ANK1: variants seen among roughly 807,000 people sequenced by gnomAD.
The protein encoded by ANK1 is ankyrin 1, also known as ankyrin-1.
ANK1 carries 51 observed loss-of-function variants against 210.4 expected under a neutral mutation model. That is an observed-to-expected ratio of 0.24 (90% CI 0.19 to 0.31). The LOEUF is 0.31. Ranked by LOEUF, ANK1 falls within the 10% of genes least tolerant of loss-of-function variation. The probability of loss-of-function intolerance (pLI) is 1.00; values close to 1 mark genes in which losing one functional copy is unlikely to be tolerated. For missense variants in ANK1, 2,051 were observed against 2,504.4 expected, an observed-to-expected ratio of 0.82 and a Z score of 3.86; for synonymous variants, 967 against 1,025.9, an observed-to-expected ratio of 0.94 and a Z score of 1.10.
intron 1 of ANK1, among the ~76,000 whole-genome samples, chr8:41,805,795 A>T (rs1850881454): frequency 6.6e-6 from 1 of 152,222 alleles, no homozygotes; most frequent in Non-Finnish European, 1.5e-5. Context: ...TAAGAAAAAA[A>T]CAGATACGTT....
chr8:41,706,126 C>G lies in ANK1; in HGVS notation c.2097+17G>C. Reference sequence around the variant, plus strand: ...CAAGGAGTCCACACAGACTGAAGTTCCGGCTGCCTGCCTTACCCGGGTGGT... The same window carrying G: ...CAAGGAGTCCACACAGACTGAAGTTGCGGCTGCCTGCCTTACCCGGGTGGT... On this transcript the variant is annotated intron_variant, in intron 18 of 42. Coordinates refer to ENST00000289734, the MANE Select transcript of ANK1 (RefSeq NM_000037.4). 1 of 1,612,648 alleles carries G rather than the reference C, an allele frequency of 6.2e-7. No individual in the cohort carries two copies. The highest frequency in any genetic ancestry group is 8.5e-7 in the Non-Finnish European group (1 of 1,178,990).
At chr8:41,765,633 C>T (rs1266320084) in intron 1 of ANK1, among the ~76,000 whole-genome samples, 1 of 152,004 alleles carries the variant, frequency 6.6e-6, no homozygotes, top group African/African-American at 2.4e-5. Context: ...GCTGTGCCCA[C>T]GTCAGGAGAA....
chr8:41,790,839 C>T (rs1259155954), intron 1 of ANK1, among the ~76,000 whole-genome samples: 2 of 152,148 alleles, frequency 1.3e-5, no homozygotes, highest in Admixed American at 1.3e-4. Flanking sequence ...CAAATCACGC[C>T]GTGTAGACAG....
chr8:41,855,660 A>G (rs1812058335), intron 1 of ANK1, among the ~76,000 whole-genome samples: 1 of 152,198 alleles, frequency 6.6e-6, no homozygotes, highest in Admixed American at 6.5e-5. Context: ...CTGTTTCTAT[A>G]AAAGTGGACA....
intron 35 of ANK1, 43 bp downstream of exon 35, chr8:41,688,113 T>G: frequency 1.9e-6 from 3 of 1,583,466 alleles, no homozygotes; most frequent in Non-Finnish European, 2.6e-6. Flanking sequence ...AGAGGGTAGG[T>G]GAGATGGACA....
upstream of ANK1, among the ~76,000 whole-genome samples, chr8:41,797,816 G>C (rs1304940856): frequency 6.6e-6 from 1 of 151,984 alleles, no homozygotes; most frequent in East Asian, 2.0e-4. This position sits in a 1 kb window ranked among gnomAD's most constrained non-coding sequence, Gnocchi z 4.0. Flanking sequence ...GCGGACCCCT[G>C]GTTGCCCCGG....
At chr8:41,824,255 G>A (rs1456650650) in intron 1 of ANK1, among the ~76,000 whole-genome samples, 3 of 152,134 alleles carry the variant, frequency 2.0e-5, no homozygotes, top group East Asian at 1.9e-4. Context: ...GTGAGCCAGC[G>A]TGCCCAGCCC....
intron 1 of ANK1, among the ~76,000 whole-genome samples, chr8:41,844,838 G>T (rs6991884): frequency 3.9e-5 from 6 of 152,098 alleles, no homozygotes; most frequent in South Asian, 2.1e-4. Context: ...AAGTTAGAAG[G>T]GGGTGAGTGA....
At chr8:41,718,038 A>G (rs910054795) in intron 11 of ANK1, 68 bp downstream of exon 11, 25 of 1,471,722 alleles carry the variant, frequency 1.7e-5, no homozygotes, top group Non-Finnish European at 2.4e-5. Flanking sequence ...ACAAAGAGCG[A>G]CTCTTGGAGA....
At chr8:41,853,707 C>T (rs1480702728) in intron 1 of ANK1, among the ~76,000 whole-genome samples, 1 of 152,170 alleles carries the variant, frequency 6.6e-6, no homozygotes, top group Non-Finnish European at 1.5e-5. Flanking sequence ...ATTGGTGAGA[C>T]ACAAGCTCAC....
intron 40 of ANK1, 107 bp from the exon 41 acceptor site, chr8:41,662,048 G>A: frequency 7.0e-7 from 1 of 1,420,112 alleles, no homozygotes; most frequent in Non-Finnish European, 9.7e-7. Context: ...TCTGAGGTCA[G>A]GAGTTTGAGA....
chr8:41,821,606 G>A (rs918148284), intron 1 of ANK1, among the ~76,000 whole-genome samples: 3 of 152,200 alleles, frequency 2.0e-5, no homozygotes, highest in Admixed American at 2.0e-4. Flanking sequence ...AAGGAAATGA[G>A]TTTAGTTGGC....
At chr8:41,703,440 A>AT (rs1563491713) in intron 20 of ANK1, among the ~76,000 whole-genome samples, 3 of 68,766 alleles carry the variant, frequency 4.4e-5, no homozygotes, top group African/African-American at 1.7e-4. Context: ...ATATATATAT[A>AT]TATATATATA....
At chr8:41,764,472 T>G (rs1267501811) in intron 1 of ANK1, among the ~76,000 whole-genome samples, 1 of 152,210 alleles carries the variant, frequency 6.6e-6, no homozygotes, top group African/African-American at 2.4e-5. Flanking sequence ...AATACAAACC[T>G]GACCATCTCT....
Position 41,803,090 on chromosome 8 carries a change from A to AAGGAAGGG in ANK1, c.127-44954_127-44953insCCCTTCCT, listed in dbSNP as rs777806034. ...AAGGAAGGAAGGAAGGAAGGGAAGG[A>AAGGAAGGG]AAGGAAAGGAAAGGAAAGGAAAGGA... On this transcript the variant is annotated intron_variant, in intron 1 of 42. Transcript: ENST00000265709. 1.6e-3 allele frequency among the ~76,000 whole-genome samples: 39 copies of AAGGAAGGG among 24,932 alleles called. 1 individual carries two copies. Among genetic ancestry groups the AAGGAAGGG allele is most frequent in the Middle Eastern group, 0.038 (2 of 52 alleles). 16.4% of individuals were successfully genotyped at this position (24,932 alleles called of 152,430 possible).
intron 1 of ANK1, among the ~76,000 whole-genome samples, chr8:41,878,584 G>A (rs1003249855): frequency 6.6e-6 from 1 of 152,228 alleles, no homozygotes; most frequent in Non-Finnish European, 1.5e-5. Context: ...TTACAGCCAG[G>A]ACTGGCTATT....
At chr8:41,700,762 T>C (rs932037521) in intron 22 of ANK1, among the ~76,000 whole-genome samples, 8 of 152,118 alleles carry the variant, frequency 5.3e-5, no homozygotes, top group African/African-American at 1.4e-4. Flanking sequence ...ACTATAGTAA[T>C]TTCTTTCTTT....
chr8:41,739,044 G>A (rs554904110), intron 2 of ANK1, among the ~76,000 whole-genome samples: 3 of 152,298 alleles, frequency 2.0e-5, no homozygotes, highest in East Asian at 3.9e-4. Flanking sequence ...ACACCAGTTC[G>A]CTAGAGTCTT....
chr8:41,696,502 G>T lies in ANK1; in HGVS notation c.2821C>A (p.Arg941=). ...ATGCGGGTGGGCGCTGCGCACGTCC[G>T]TGGCGGGATCACCACTCGCAGGCCG... The part of the protein sequence containing the change: ...HNGLRVVIPP[R]TCAAPTRITC... Residue 941 remains arginine, a synonymous_variant, in exon 26 of 43, where the codon CGG becomes AGG. Coordinates refer to ENST00000289734, the MANE Select transcript of ANK1 (RefSeq NM_000037.4). 2 of 1,613,510 alleles carry T rather than the reference G, an allele frequency of 1.2e-6. No individual in the cohort carries two copies. Among genetic ancestry groups the T allele is most frequent in the Non-Finnish European group, 1.7e-6 (2 of 1,179,986 alleles).
Sources: allele counts gnomAD v4.1 joint callset (sites outside exome capture counted in the v4.1 genomes callset), GRCh38; gene constraint gnomAD v4.1.1; non-coding constraint Gnocchi (gnomAD v3.1); transcripts MANE v1.5; gene names NCBI Gene and HGNC (gene_info 2026-07-23, HGNC 2026-07-21).